The following ZFP1 variants were observed in gnomAD, a reference collection of about 807,000 sequenced individuals.
The protein encoded by ZFP1 is zinc finger protein 1 homolog.
A neutral mutation model predicts 38.5 loss-of-function variants in ZFP1; 32 were observed. The observed-to-expected ratio is 0.83, with a 90% CI of 0.63 to 1.12. ZFP1 has a LOEUF of 1.12. Among genes scored for constraint, ZFP1 ranks in the 50% most tolerant of loss-of-function variants. The pLI, the probability that ZFP1 is intolerant of heterozygous loss-of-function variation, is 0.00. For synonymous variants in ZFP1, 245 were observed against 168.8 expected, an observed-to-expected ratio of 1.45 and a Z score of -3.50; for missense variants, 616 against 480.8, an observed-to-expected ratio of 1.28 and a Z score of -2.63.
At position 75,170,045 on chromosome 16, in the gene ZFP1, T is replaced by C. The variant is rs2038338261; in HGVS notation, c.935T>C (p.Ile312Thr). The change falls in exon 4 of 4, where the codon ATC becomes ACC. Residue 312 changes from isoleucine to threonine, a missense_variant. By Grantham distance (89) the Ile-to-Thr change is moderately conservative. Coordinates refer to ENST00000570010, the MANE Select transcript of ZFP1 (RefSeq NM_153688.4). Reference sequence around the variant, plus strand: ...ACCTTCTTTAAGAAGTCAAACCTTATCATACATCAGAAGATTCACACGGGG... The same window carrying C: ...ACCTTCTTTAAGAAGTCAAACCTTACCATACATCAGAAGATTCACACGGGG... ...AKTFFKKSNL[I>T]IHQKIHTGEK... The C allele has an allele frequency of 6.2e-7, 1 of 1,614,002 alleles. No homozygotes were observed. The highest frequency in any genetic ancestry group is 8.5e-7 in the Non-Finnish European group (1 of 1,180,042).
chr16:75,134,855 C>G, the ZFP1 span, among the ~76,000 whole-genome samples: 1 of 151,680 alleles, frequency 6.6e-6, no homozygotes, highest in Non-Finnish European at 1.5e-5. Context: ...GTCTGGAGTT[C>G]AAGACCAGCC....
At chr16:75,154,404 C>G (rs973547556) in intron 2 of ZFP1, among the ~76,000 whole-genome samples, 3 of 152,118 alleles carry the variant, frequency 2.0e-5, no homozygotes, top group African/African-American at 7.2e-5. Flanking sequence ...CTGTTATAAA[C>G]ATCTGTGTGC....
intron 1 of ZFP1, among the ~76,000 whole-genome samples, chr16:75,151,224 T>C (rs908353010): frequency 6.6e-6 from 1 of 152,048 alleles, no homozygotes; most frequent in Non-Finnish European, 1.5e-5. Flanking sequence ...ATCATCCTTT[T>C]ACTTTGAATG....
the ZFP1 span, among the ~76,000 whole-genome samples, chr16:75,128,144 T>C: frequency 6.6e-6 from 1 of 152,116 alleles, no homozygotes; most frequent in Non-Finnish European, 1.5e-5. Flanking sequence ...ACTGGCCTCA[T>C]ACCTTTGTCT....
the ZFP1 span, among the ~76,000 whole-genome samples, chr16:75,124,167 G>GTT: frequency 1.4e-5 from 2 of 142,752 alleles, no homozygotes; most frequent in Non-Finnish European, 1.5e-5. Flanking sequence ...CTAATTGAAA[G>GTT]TTTTTTTTTT....
chr16:75,152,835 A>T, intron 1 of ZFP1, 74 bp from the exon 2 acceptor site: 2 of 1,427,998 alleles, frequency 1.4e-6, no homozygotes, highest in Non-Finnish European at 1.9e-6. Flanking sequence ...AGGGGTTTCT[A>T]AACAAGTCAT....
chr16:75,124,860 G>C, the ZFP1 span, among the ~76,000 whole-genome samples: 14 of 132,818 alleles, frequency 1.1e-4, no homozygotes, highest in East Asian at 2.7e-3. Flanking sequence ...TAAAAATAAA[G>C]AGGTTTTTTT....
At position 75,148,638 on chromosome 16, in the gene ZFP1, C is replaced by T. The variant is rs1189509506; in HGVS notation, c.-49C>T. 2 of 152,320 alleles carry T rather than the reference C, an allele frequency of 1.3e-5. No individual in the cohort carries two copies. Among genetic ancestry groups the T allele is most frequent in the African/African-American group, 2.4e-5 (1 of 41,478 alleles). The allele number at this position is 152,320 out of a possible 1,614,324, so 9.4% of individuals were successfully genotyped here. Reference sequence around the variant, plus strand: ...TGGGCCACGAGTGGAGGCTGCGCCCCTCCAGGTACGAGAGGGGCTTCCAGG... The same window carrying T: ...TGGGCCACGAGTGGAGGCTGCGCCCTTCCAGGTACGAGAGGGGCTTCCAGG... On this transcript the variant is annotated 5_prime_UTR_variant, in exon 1 of 4. Coordinates refer to ENST00000570010, the MANE Select transcript of ZFP1 (RefSeq NM_153688.4).
chr16:75,146,219 T>C (rs187636009), upstream of ZFP1, among the ~76,000 whole-genome samples: 243 of 151,806 alleles, frequency 1.6e-3, 4 homozygotes, highest in East Asian at 5.2e-3. Context: ...CTGGAGTTCA[T>C]TGGTGCAATC....
At chr16:75,129,459 A>T in the ZFP1 span, among the ~76,000 whole-genome samples, 1 of 152,214 alleles carries the variant, frequency 6.6e-6, no homozygotes, top group Non-Finnish European at 1.5e-5. Flanking sequence ...CTTAGGGCAA[A>T]CCTGCCTCCC....
At chr16:75,134,497 C>T in the ZFP1 span, among the ~76,000 whole-genome samples, 2 of 152,052 alleles carry the variant, frequency 1.3e-5, no homozygotes, top group Non-Finnish European at 2.9e-5. Flanking sequence ...TGGCTCACAC[C>T]TGTAATCCCG....
chr16:75,150,235 G>C (rs1203059335), intron 1 of ZFP1, among the ~76,000 whole-genome samples: 2 of 133,050 alleles, frequency 1.5e-5, no homozygotes, highest in Non-Finnish European at 3.1e-5. Context: ...TTGAGACAGA[G>C]TCTCGCTCTG....
In ZFP1 at chr16:75,155,845, T is replaced by C. The variant is rs146470404; in HGVS notation, c.15+2879T>C. 4.4e-4 allele frequency among the ~76,000 whole-genome samples: 67 copies of C among 152,342 alleles called. 1 individual carries two copies. The highest frequency in any genetic ancestry group is 1.5e-3 in the African/African-American group (64 of 41,580). On this transcript the variant is annotated intron_variant, in intron 2 of 3. Coordinates refer to ENST00000570010, the MANE Select transcript of ZFP1 (RefSeq NM_153688.4). ...CTATAACTGGGATTAATATCACTTA[T>C]AGTCTTAATATAAAATTTAGTTAAC...
intron 2 of ZFP1, among the ~76,000 whole-genome samples, chr16:75,155,787 G>C (rs1225710244): frequency 2.6e-5 from 4 of 152,068 alleles, no homozygotes. Flanking sequence ...TTACCACTTA[G>C]ATATATTCTT....
the ZFP1 span, among the ~76,000 whole-genome samples, chr16:75,121,377 G>A: frequency 5.9e-5 from 9 of 151,868 alleles, no homozygotes; most frequent in South Asian, 1.0e-3. Flanking sequence ...CGCCCACCTC[G>A]GCCCCCCAAA....
the ZFP1 span, among the ~76,000 whole-genome samples, chr16:75,119,821 A>G: frequency 3.0e-4 from 46 of 152,322 alleles, 1 homozygote; most frequent in South Asian, 8.7e-3. Flanking sequence ...ATTATGGGGA[A>G]CAAGGCCTCT....
Position 75,169,281 on chromosome 16 carries a change from G to A in ZFP1, c.171G>A (p.Glu57=). ...TGTGGAAGGCTGATGACCAGATGGA[G>A]AGAGACCACAGAAACCCAGACGAGC... ...VEVWKADDQM[E]RDHRNPDEQA... is the part of the protein sequence containing the mutation. Residue 57 remains glutamate (E), a synonymous_variant, in exon 4 of 4, where the codon GAG becomes GAA. Coordinates refer to ENST00000570010, the MANE Select transcript of ZFP1 (RefSeq NM_153688.4). The A allele has an allele frequency of 1.9e-6, 3 of 1,613,354 alleles. No individual in the cohort carries two copies. Among genetic ancestry groups the A allele is most frequent in the Non-Finnish European group, 2.5e-6 (3 of 1,179,818 alleles).
chr16:75,144,070 T>C (rs1310453196), upstream of ZFP1: 1 of 152,226 alleles, frequency 6.6e-6, no homozygotes, highest in African/African-American at 2.4e-5. Context: ...CCCGCTACAC[T>C]TTCTCTTTAT....
In ZFP1 at chr16:75,170,110, A is replaced by G; in HGVS notation, c.1000A>G (p.Ile334Val). The change falls in exon 4 of 4, where the codon ATC becomes GTC. Residue 334 changes from isoleucine (I) to valine (V), a missense_variant. Physicochemically the swap from Ile to Val is conservative, Grantham distance 29. Transcript: ENST00000570010. Reference protein sequence around the residue: ...YECSECGKSFIQNSQLIIHMR... With the variant: ...YECSECGKSFVQNSQLIIHMR... ...GTGCAGTGAATGTGGAAAATCCTTT[A>G]TCCAGAACTCACAGCTCATCATACA... The G allele has an allele frequency of 6.2e-7, 1 of 1,614,064 alleles. No individual in the cohort carries two copies. The highest frequency in any genetic ancestry group is 1.1e-5 in the South Asian group (1 of 91,068).
Sources: allele counts gnomAD v4.1 joint callset (sites outside exome capture counted in the v4.1 genomes callset), GRCh38; gene constraint gnomAD v4.1.1; transcripts MANE v1.5; gene names NCBI Gene and HGNC (gene_info 2026-07-23, HGNC 2026-07-21).